SAMD12: variants seen among roughly 807,000 people sequenced by gnomAD.
SAMD12 encodes the protein sterile alpha motif domain-containing protein 12.
In SAMD12, 9 loss-of-function variants were observed where a neutral mutation model predicts 15.0. The observed-to-expected ratio is 0.60, with a 90% CI of 0.36 to 1.05. The LOEUF is 1.05. Among genes scored for constraint, SAMD12 ranks in the 50% least tolerant of loss-of-function variants. The pLI is 0.01. For missense variants in SAMD12, 230 were observed against 234.2 expected, an observed-to-expected ratio of 0.98 and a Z score of 0.12; for synonymous variants, 86 against 90.1, an observed-to-expected ratio of 0.96 and a Z score of 0.25.
At chr8:118,607,662 A>C (rs924118562) in intron 1 of SAMD12, among the ~76,000 whole-genome samples, 3 of 152,328 alleles carry the variant, frequency 2.0e-5, no homozygotes, top group African/African-American at 7.2e-5. Context: ...TAGGGATGAT[A>C]ATGAAACCTA....
chr8:118,257,414 T>G (rs1812972354), intron 4 of SAMD12, among the ~76,000 whole-genome samples: 1 of 152,146 alleles, frequency 6.6e-6, no homozygotes, highest in African/African-American at 2.4e-5. Context: ...GTTGCCTTTT[T>G]GAAAATACCA....
At chr8:118,309,001 T>G (rs1563752053) in intron 4 of SAMD12, among the ~76,000 whole-genome samples, 1 of 151,896 alleles carries the variant, frequency 6.6e-6, no homozygotes, top group Non-Finnish European at 1.5e-5. Context: ...TTTATTATTA[T>G]TATTTCAATA....
At chr8:118,204,609 C>G (rs1045311084) in intron 4 of SAMD12, among the ~76,000 whole-genome samples, 3 of 152,030 alleles carry the variant, frequency 2.0e-5, no homozygotes, top group African/African-American at 7.2e-5. Flanking sequence ...AAAAAATTAG[C>G]CAGGCGTGGC....
intron 4 of SAMD12, among the ~76,000 whole-genome samples, chr8:118,349,118 C>CAGAT (rs1166057350): frequency 6.6e-6 from 1 of 152,164 alleles, no homozygotes; most frequent in Non-Finnish European, 1.5e-5. Flanking sequence ...AAGAGTCATA[C>CAGAT]AGATCTTCAT....
chr8:118,294,360 A>C (rs899066983), intron 4 of SAMD12, among the ~76,000 whole-genome samples: 3 of 152,178 alleles, frequency 2.0e-5, no homozygotes, highest in African/African-American at 7.2e-5. Context: ...AAACATGATC[A>C]ATTTAGGCAT....
chr8:118,289,631 A>G (rs1814251892), intron 4 of SAMD12, among the ~76,000 whole-genome samples: 1 of 152,232 alleles, frequency 6.6e-6, no homozygotes, highest in African/African-American at 2.4e-5. Flanking sequence ...TCTAGCTTAC[A>G]GCAGTGCTAA....
Position 118,209,765 on chromosome 8 carries a change from T to C in SAMD12, c.434-12033A>G, listed in dbSNP as rs561744295. Among the ~76,000 whole-genome samples the C allele has an allele frequency of 2.0e-5, 3 of 152,380 alleles. No homozygotes were observed. The East Asian group carries it at 5.8e-4, about 29-fold the overall frequency. On this transcript the variant is annotated intron_variant, in intron 4 of 4. Transcript: ENST00000409003. The stretch of plus-strand genomic sequence containing the variant: ...GTGGGGCTTAAACCTTATTTATTTC[T>C]TGCTTAGTTGATTTCCTTATTCCCA...
At chr8:118,237,355 C>T (rs1812459282) in intron 4 of SAMD12, among the ~76,000 whole-genome samples, 1 of 152,142 alleles carries the variant, frequency 6.6e-6, no homozygotes, top group Non-Finnish European at 1.5e-5. Flanking sequence ...CTCTATGTAT[C>T]AGCTGCTGTT....
At chr8:118,180,595 C>T in the SAMD12 span, among the ~76,000 whole-genome samples, 1 of 151,918 alleles carries the variant, frequency 6.6e-6, no homozygotes, top group Non-Finnish European at 1.5e-5. Context: ...TTTGCTGAGA[C>T]AGGGTCTCAC....
intron 4 of SAMD12, among the ~76,000 whole-genome samples, chr8:118,256,852 G>C (rs190904418): frequency 1.3e-5 from 2 of 149,674 alleles, no homozygotes; most frequent in Admixed American, 6.7e-5. Context: ...CGGAATTCTT[G>C]GTTCATAGAG....
chr8:118,156,332 C>A, the SAMD12 span, among the ~76,000 whole-genome samples: 1 of 152,110 alleles, frequency 6.6e-6, no homozygotes, highest in Non-Finnish European at 1.5e-5. Flanking sequence ...GAAAATTTGG[C>A]CTAATATTGC....
chr8:118,538,723 C>A (rs1177751017), intron 2 of SAMD12, among the ~76,000 whole-genome samples: 3 of 152,170 alleles, frequency 2.0e-5, no homozygotes, highest in Non-Finnish European at 1.5e-5. Context: ...CAGGTACTGT[C>A]ATCAACTCAC....
intron 4 of SAMD12, among the ~76,000 whole-genome samples, chr8:118,280,407 G>A (rs1228682262): frequency 6.6e-6 from 1 of 152,104 alleles, no homozygotes; most frequent in East Asian, 1.9e-4. Context: ...ACATGGGCAG[G>A]GATAAGCTTG....
At chr8:118,442,507 G>A (rs1254834660) in intron 2 of SAMD12, among the ~76,000 whole-genome samples, 6 of 152,218 alleles carry the variant, frequency 3.9e-5, no homozygotes, top group African/African-American at 1.2e-4. Flanking sequence ...GAGAGAGGAA[G>A]ACGTTGGGCA....
At chr8:118,602,156 C>T (rs538128794) in intron 1 of SAMD12, among the ~76,000 whole-genome samples, 21 of 152,134 alleles carry the variant, frequency 1.4e-4, no homozygotes, top group Non-Finnish European at 2.5e-4. Flanking sequence ...ATATGCTTGC[C>T]CCAAGAAGTT....
chr8:118,388,748 T>G (rs1231744480), intron 3 of SAMD12, among the ~76,000 whole-genome samples: 3 of 152,214 alleles, frequency 2.0e-5, no homozygotes, highest in African/African-American at 4.8e-5. Context: ...TCTCTTTCTA[T>G]CTTCAACTAT....
intron 2 of SAMD12, among the ~76,000 whole-genome samples, chr8:118,440,690 ACACACAAACACAC>A (rs1822722834): frequency 6.8e-6 from 1 of 146,150 alleles, no homozygotes. Flanking sequence ...ACACACACAC[ACACACAAACACAC>A]ACACACACAC....
chr8:118,603,043 T>C (rs1827897493), intron 1 of SAMD12, among the ~76,000 whole-genome samples: 1 of 151,996 alleles, frequency 6.6e-6, no homozygotes, highest in Admixed American at 6.6e-5. Context: ...AAAAATTACA[T>C]AGAAATTGTA....
intron 1 of SAMD12, among the ~76,000 whole-genome samples, chr8:118,606,967 C>T (rs58370206): frequency 0.055 from 8,392 of 152,158 alleles, 455 homozygotes; most frequent in African/African-American, 0.14. Flanking sequence ...CCTCATGGTA[C>T]CACCTGGCTG....
Sources: gnomAD v4.1 joint callset for allele counts (sites outside exome capture counted in the v4.1 genomes callset) on GRCh38, gnomAD v4.1.1 for gene constraint, MANE v1.5 for transcripts, NCBI Gene and HGNC (gene_info 2026-07-23, HGNC 2026-07-21) for gene names.